The following KIAA1217 variants were observed in gnomAD, a reference collection of about 807,000 sequenced individuals.
KIAA1217 encodes the protein sickle tail protein homolog.
KIAA1217 carries 88 observed loss-of-function variants against 163.9 expected under a neutral mutation model. The observed-to-expected ratio is 0.54, with a 90% CI of 0.45 to 0.64. The LOEUF is 0.64. Ranked by LOEUF, KIAA1217 falls within the 30% of genes least tolerant of loss-of-function variation. The pLI is 0.00. For synonymous variants in KIAA1217, 903 were observed against 923.1 expected (o/e 0.98, Z 0.39); for missense variants, 2,372 against 2,475.0 (o/e 0.96, Z 0.88).
intron 4 of KIAA1217, 30 bp downstream of exon 4, chr10:24,433,223 A>T (rs1591887012): frequency 6.4e-7 from 1 of 1,561,640 alleles, no homozygotes; most frequent in African/African-American, 1.4e-5. Flanking sequence ...TTTGCCTGCC[A>T]TTTTGCCTTA....
chr10:23,915,150 G>A (rs1842585472), intron 1 of KIAA1217, among the ~76,000 whole-genome samples: 3 of 152,138 alleles, frequency 2.0e-5, no homozygotes, highest in Non-Finnish European at 4.4e-5. Context: ...AGATCAAGGG[G>A]AGGTTGAAAA....
At chr10:24,215,158 C>T (rs531817214) in intron 1 of KIAA1217, among the ~76,000 whole-genome samples, 2 of 152,298 alleles carry the variant, frequency 1.3e-5, no homozygotes, top group South Asian at 4.1e-4. Context: ...GTCCCTTTAG[C>T]ATTTCTGCCT....
chr10:24,131,179 T>C (rs2063639579), intron 2 of KIAA1217, among the ~76,000 whole-genome samples: 1 of 152,330 alleles, frequency 6.6e-6, no homozygotes, highest in Admixed American at 6.5e-5. Context: ...TTGAAGACTA[T>C]TTTAAACTCT....
intron 1 of KIAA1217, among the ~76,000 whole-genome samples, chr10:23,704,146 A>ATGTATGTGTGTGTGTGTGTG (rs1400240204): frequency 2.2e-4 from 14 of 64,878 alleles, no homozygotes; most frequent in African/African-American, 1.2e-3. Context: ...GTGTGTGTGT[A>ATGTATGTGTGTGTGTGTGTG]TGTGTGTGTG....
chr10:23,750,980 C>CCCTTTCCTT (rs1167979450), intron 1 of KIAA1217, among the ~76,000 whole-genome samples: 3 of 147,824 alleles, frequency 2.0e-5, no homozygotes, highest in Non-Finnish European at 4.5e-5. Context: ...TCCCTTTCTT[C>CCCTTTCCTT]CCTTTCCTTC....
intron 5 of KIAA1217, among the ~76,000 whole-genome samples, chr10:24,472,021 A>G (rs2063577603): frequency 6.6e-6 from 1 of 152,138 alleles, no homozygotes; most frequent in African/African-American, 2.4e-5. Context: ...TGAATGTTAT[A>G]TATATTATAT....
chr10:23,893,440 C>G (rs1199635734), intron 1 of KIAA1217, among the ~76,000 whole-genome samples: 1 of 152,034 alleles, frequency 6.6e-6, no homozygotes, highest in South Asian at 2.1e-4. Flanking sequence ...TTCAAAAAAC[C>G]AGCTCCTGGA....
chr10:24,514,723 C>T lies in KIAA1217; in HGVS notation c.2177+1289C>T, dbSNP rs139077372. ...TGCATATCCTGGCTGGGCACGGAGG[C>T]TCATACCTGTAATCCCAGCACTTTG... On this transcript the variant is annotated intron_variant, in intron 10 of 20. Transcript: ENST00000376454. Among the ~76,000 whole-genome samples, 824 of 152,240 alleles carry T rather than the reference C, an allele frequency of 5.4e-3. 10 individuals are homozygous for T. Among genetic ancestry groups the T allele is most frequent in the African/African-American group, 0.019 (788 of 41,562 alleles).
intron 1 of KIAA1217, among the ~76,000 whole-genome samples, chr10:23,948,562 G>GA (rs1206956011): frequency 1.3e-5 from 2 of 151,780 alleles, no homozygotes; most frequent in East Asian, 1.9e-4. Flanking sequence ...ATTTTGAGGG[G>GA]AAAAAAAGAG....
chr10:24,082,783 A>G (rs1459188770), intron 2 of KIAA1217, among the ~76,000 whole-genome samples: 1 of 152,192 alleles, frequency 6.6e-6, no homozygotes, highest in Non-Finnish European at 1.5e-5. Flanking sequence ...TCTGGGTCAA[A>G]TGATATTTCT....
intron 1 of KIAA1217, among the ~76,000 whole-genome samples, chr10:24,210,839 A>C (rs904898262): frequency 3.9e-5 from 6 of 152,200 alleles, no homozygotes; most frequent in Non-Finnish European, 8.8e-5. Flanking sequence ...GACAATGAAC[A>C]AATAAATAAA....
At chr10:23,930,752 C>T (rs558861822) in intron 1 of KIAA1217, among the ~76,000 whole-genome samples, 9 of 152,276 alleles carry the variant, frequency 5.9e-5, no homozygotes, top group African/African-American at 1.7e-4. Context: ...TCATTGCACT[C>T]GAGCTCTGAT....
At chr10:24,433,431 G>C (rs546359836) in intron 4 of KIAA1217, among the ~76,000 whole-genome samples, 1 of 151,950 alleles carries the variant, frequency 6.6e-6, no homozygotes, top group Admixed American at 6.5e-5. Context: ...ATCCTGATTG[G>C]TTGGGCTTAT....
At chr10:24,115,037 A>G (rs2062997689) in intron 2 of KIAA1217, among the ~76,000 whole-genome samples, 1 of 152,214 alleles carries the variant, frequency 6.6e-6, no homozygotes, top group South Asian at 2.1e-4. Flanking sequence ...ATCCTAAGAT[A>G]AAATCCCCAC....
chr10:23,964,711 A>G (rs979724778), intron 1 of KIAA1217, among the ~76,000 whole-genome samples: 5 of 151,918 alleles, frequency 3.3e-5, no homozygotes, highest in African/African-American at 9.7e-5. Flanking sequence ...GCATGCCACC[A>G]CGCCCAGCTA....
rs1393170084 is a variant in KIAA1217 at position 24,546,043 on chromosome 10, G to GCCTC, written c.5556_5559dup (p.Ile1854ProfsTer7). On this transcript the variant is annotated frameshift_variant, in exon 21 of 21. Transcript: ENST00000376454. LOFTEE classifies it high-confidence loss of function. ...CCAAACAGGACCACCTGCTCACTCTGCCTCCCTCATCCCTTCTGTCTCTAA... is the reference window on the plus strand; with the variant it reads ...CCAAACAGGACCACCTGCTCACTCTGCCTCCCTCCCTCATCCCTTCTGTCTCTAA... The GCCTC allele has an allele frequency of 6.2e-7, 1 of 1,614,074 alleles. No homozygotes were observed. Among genetic ancestry groups the GCCTC allele is most frequent in the Non-Finnish European group, 8.5e-7 (1 of 1,180,024 alleles).
chr10:23,931,727 G>C (rs568821113), intron 1 of KIAA1217, among the ~76,000 whole-genome samples: 5 of 151,972 alleles, frequency 3.3e-5, no homozygotes, highest in Non-Finnish European at 7.4e-5. Context: ...TCATCTTCTC[G>C]TATTTTACTT....
intron 2 of KIAA1217, among the ~76,000 whole-genome samples, chr10:24,197,839 T>C (rs2130505073): frequency 6.6e-6 from 1 of 152,374 alleles, no homozygotes. Context: ...TGTTCATGAC[T>C]CCATGGTGCT....
intron 1 of KIAA1217, among the ~76,000 whole-genome samples, chr10:23,987,468 T>C (rs1219059829): frequency 6.6e-6 from 1 of 152,070 alleles, no homozygotes; most frequent in Non-Finnish European, 1.5e-5. Context: ...TATGTTCATG[T>C]GTAATAATTT....
Sources: gnomAD v4.1 joint callset for allele counts (sites outside exome capture counted in the v4.1 genomes callset) on GRCh38, gnomAD v4.1.1 for gene constraint, MANE v1.5 for transcripts, NCBI Gene and HGNC (gene_info 2026-07-23, HGNC 2026-07-21) for gene names.